The following NBAS variants were observed in gnomAD, a reference collection of about 807,000 sequenced individuals.
NBAS encodes NAG/BC035112 fusion.
In NBAS, 219 loss-of-function variants were observed where a neutral mutation model predicts 302.5. The observed-to-expected ratio is 0.72, with a 90% CI of 0.65 to 0.81. The LOEUF (loss-of-function observed/expected upper bound fraction) is 0.81, where lower values mean the gene tolerates loss of function less well. Ranked by LOEUF, NBAS falls within the 30% of genes least tolerant of loss-of-function variation. NBAS has a pLI of 0.00. For missense variants in NBAS, 2,932 were observed against 2,841.6 expected, an observed-to-expected ratio of 1.03 and a Z score of -0.72; for synonymous variants, 1,118 against 1,021.6, an observed-to-expected ratio of 1.09 and a Z score of -1.80.
chr2:14,829,798 C>A, the NBAS span, among the ~76,000 whole-genome samples: 2 of 152,230 alleles, frequency 1.3e-5, no homozygotes, highest in African/African-American at 4.8e-5. Context: ...GAGTAAACAT[C>A]TTGACATACC....
chr2:15,522,905 G>C (rs1285175111), intron 9 of NBAS, among the ~76,000 whole-genome samples: 1 of 152,094 alleles, frequency 6.6e-6, no homozygotes, highest in African/African-American at 2.4e-5. Context: ...GTAAGCTAAA[G>C]AAATGAAAAT....
intron 49 of NBAS, among the ~76,000 whole-genome samples, 158 bp from the exon 50 acceptor site, chr2:15,187,038 A>G (rs1212955083): frequency 7.2e-5 from 11 of 152,168 alleles, no homozygotes; most frequent in Admixed American, 7.2e-4. Flanking sequence ...TAACACCTTA[A>G]GGAGAAAAAG....
chr2:15,239,837 T>C (rs1009874596), intron 44 of NBAS, among the ~76,000 whole-genome samples: 21 of 152,270 alleles, frequency 1.4e-4, no homozygotes, highest in African/African-American at 4.8e-4. Context: ...GTGTTAGATA[T>C]ATGGGAGTTA....
chr2:15,098,395 TTATATATTA>T, the NBAS span, among the ~76,000 whole-genome samples: 1 of 16,268 alleles, frequency 6.1e-5, no homozygotes, highest in Non-Finnish European at 1.5e-4. Context: ...ATATTGTATA[TTATATATTA>T]TATATGATAT....
At chr2:15,173,691 A>T (rs1187616431) in intron 51 of NBAS, among the ~76,000 whole-genome samples, 1 of 152,176 alleles carries the variant, frequency 6.6e-6, no homozygotes, top group African/African-American at 2.4e-5. Flanking sequence ...AACTATGACA[A>T]ATCATCTGCT....
At chr2:14,876,285 G>GAT in the NBAS span, among the ~76,000 whole-genome samples, 1 of 152,108 alleles carries the variant, frequency 6.6e-6, no homozygotes, top group African/African-American at 2.4e-5. Flanking sequence ...AAAATTTAGG[G>GAT]ATTGTGGAAA....
chr2:15,052,499 C>T, the NBAS span, among the ~76,000 whole-genome samples: 1 of 152,192 alleles, frequency 6.6e-6, no homozygotes, highest in Non-Finnish European at 1.5e-5. Context: ...CCTCCCCTTT[C>T]ACAGCCATCC....
At chr2:15,297,848 A>G (rs561575934) in intron 40 of NBAS, among the ~76,000 whole-genome samples, 2 of 152,080 alleles carry the variant, frequency 1.3e-5, no homozygotes, top group African/African-American at 4.8e-5. Context: ...CATGCCATAT[A>G]TATGTGCTTG....
At chr2:15,100,119 C>G in the NBAS span, among the ~76,000 whole-genome samples, 1 of 152,170 alleles carries the variant, frequency 6.6e-6, no homozygotes, top group Non-Finnish European at 1.5e-5. Flanking sequence ...ACACTGTATT[C>G]TATGCAACAG....
chr2:15,037,547 C>T, the NBAS span, among the ~76,000 whole-genome samples: 2 of 151,680 alleles, frequency 1.3e-5, no homozygotes, highest in African/African-American at 2.4e-5. Flanking sequence ...CAAGGACCCA[C>T]GATTAGAAAA....
the NBAS span, among the ~76,000 whole-genome samples, chr2:14,926,298 T>G: frequency 6.6e-6 from 1 of 152,100 alleles, no homozygotes; most frequent in African/African-American, 2.4e-5. Context: ...TATCACACAC[T>G]TACTCTCCTC....
chr2:15,492,814 G>C (rs571662120), intron 11 of NBAS, among the ~76,000 whole-genome samples: 5 of 152,228 alleles, frequency 3.3e-5, no homozygotes, highest in South Asian at 2.1e-4. Flanking sequence ...CTGGCCCAGG[G>C]AATAATTCAT....
chr2:15,241,010 A>G (rs1667845002), intron 44 of NBAS, among the ~76,000 whole-genome samples: 1 of 152,126 alleles, frequency 6.6e-6, no homozygotes, highest in South Asian at 2.1e-4. Flanking sequence ...ACAAGAGAAG[A>G]GTAAAAACTG....
chr2:15,323,197 C>G (rs904277021), intron 38 of NBAS, among the ~76,000 whole-genome samples: 4 of 152,186 alleles, frequency 2.6e-5, no homozygotes. Context: ...AGGATGCAGA[C>G]GCACTAAGAG....
At chr2:14,809,518 A>G in the NBAS span, among the ~76,000 whole-genome samples, 1 of 152,220 alleles carries the variant, frequency 6.6e-6, no homozygotes, top group African/African-American at 2.4e-5. Flanking sequence ...GAAGTCAAGA[A>G]TTGAGGTTTG....
At chr2:15,149,236 C>A in the NBAS span, among the ~76,000 whole-genome samples, 1 of 152,210 alleles carries the variant, frequency 6.6e-6, no homozygotes, top group African/African-American at 2.4e-5. Flanking sequence ...CCTGCTCCCC[C>A]ACTCCATATG....
chr2:15,026,227 C>A, the NBAS span, among the ~76,000 whole-genome samples: 2 of 12,304 alleles, frequency 1.6e-4, 1 homozygote, highest in South Asian at 4.1e-3. Flanking sequence ...GAGGCCGAGG[C>A]GGGTGGATCA....
intron 47 of NBAS, among the ~76,000 whole-genome samples, chr2:15,230,754 G>A (rs2147923429): frequency 6.6e-6 from 1 of 152,306 alleles, no homozygotes; most frequent in Non-Finnish European, 1.5e-5. Flanking sequence ...GCGGATGGCA[G>A]CTCCCTGGGA....
intron 35 of NBAS, among the ~76,000 whole-genome samples, chr2:15,351,302 A>T (rs1213551949): frequency 2.0e-5 from 3 of 152,222 alleles, no homozygotes; most frequent in African/African-American, 7.2e-5. Context: ...ATTTAAAACA[A>T]AAACAAAAGT....
Sources: gnomAD v4.1 joint callset for allele counts (sites outside exome capture counted in the v4.1 genomes callset) on GRCh38, gnomAD v4.1.1 for gene constraint, MANE v1.5 for transcripts, NCBI Gene and HGNC (gene_info 2026-07-23, HGNC 2026-07-21) for gene names.